LIN7A: variants seen among roughly 807,000 people sequenced by gnomAD.
LIN7A encodes the protein lin-7 cell polarity scaffold A, also known as protein lin-7 homolog A.
LIN7A carries 25 observed loss-of-function variants against 29.8 expected under a neutral mutation model. The ratio of observed to expected loss-of-function variants is 0.84; its 90% confidence interval spans 0.61 to 1.17. The LOEUF (loss-of-function observed/expected upper bound fraction) is 1.17. Among genes scored for constraint, LIN7A ranks in the 50% most tolerant of loss-of-function variants. LIN7A has a pLI of 0.00. For synonymous variants in LIN7A, 118 were observed against 107.5 expected (o/e 1.10, Z -0.60); for missense variants, 239 against 287.0 (o/e 0.83, Z 1.21).
intron 4 of LIN7A, among the ~76,000 whole-genome samples, chr12:80,839,954 A>G (rs1270120959): frequency 6.6e-6 from 1 of 152,210 alleles, no homozygotes; most frequent in Non-Finnish European, 1.5e-5. Flanking sequence ...ATTCAGCTGC[A>G]ATTTCCCACC....
At chr12:80,808,960 G>A (rs1592850490) in intron 5 of LIN7A, among the ~76,000 whole-genome samples, 1 of 148,922 alleles carries the variant, frequency 6.7e-6, no homozygotes, top group South Asian at 2.2e-4. Context: ...CCCCTTTTCT[G>A]TGTAGCTTCT....
At chr12:80,923,815 C>T (rs147851056) in intron 1 of LIN7A, among the ~76,000 whole-genome samples, 53 of 152,276 alleles carry the variant, frequency 3.5e-4, no homozygotes, top group African/African-American at 1.1e-3. Flanking sequence ...AAGAATCAAC[C>T]AGACCGAGCT....
At chr12:80,937,018 TG>T in intron 1 of LIN7A, 1 of 152,196 alleles carries the variant, frequency 6.6e-6, no homozygotes, top group Non-Finnish European at 1.5e-5. Flanking sequence ...TCTCGGCTGC[TG>T]GGGCTCGGCT....
chr12:80,887,608 C>T (rs1875396535), intron 2 of LIN7A, among the ~76,000 whole-genome samples: 1 of 152,104 alleles, frequency 6.6e-6, no homozygotes, highest in East Asian at 1.9e-4. Context: ...ACTTAATTAG[C>T]TTTTATTGCT....
intron 4 of LIN7A, among the ~76,000 whole-genome samples, chr12:80,834,499 T>C (rs761402321): frequency 6.6e-6 from 1 of 152,166 alleles, no homozygotes; most frequent in African/African-American, 2.4e-5. Flanking sequence ...AATGATTTTG[T>C]ATCTATGAGA....
chr12:80,937,767 G>T lies in LIN7A; in HGVS notation c.-45C>A. The T allele has an allele frequency of 8.3e-7, 1 of 1,209,448 alleles. No individual in the cohort carries two copies. Among genetic ancestry groups the T allele is most frequent in the South Asian group, 1.8e-5 (1 of 55,464 alleles). 74.9% of individuals were successfully genotyped at this position (1,209,448 alleles called of 1,614,324 possible). A position where few individuals can be genotyped will look rare whatever the true frequency, so the allele number is the denominator to read the frequency against. ...GAAAAAAAGGAGGAGATTGGGGGCG[G>T]GGGTGGAGAGGGAAGACGGAAAGGA... On this transcript the variant is annotated 5_prime_UTR_variant, in exon 1 of 6. Coordinates refer to ENST00000552864, the MANE Select transcript of LIN7A (RefSeq NM_004664.4).
chr12:80,823,265 GAGA>G (rs1421528103), intron 4 of LIN7A, among the ~76,000 whole-genome samples: 1 of 152,202 alleles, frequency 6.6e-6, no homozygotes, highest in Non-Finnish European at 1.5e-5. Context: ...TGTGGGTGAT[GAGA>G]AGGAGAGAGG....
chr12:80,905,339 A>G (rs1441550097), intron 1 of LIN7A, among the ~76,000 whole-genome samples: 1 of 152,266 alleles, frequency 6.6e-6, no homozygotes, highest in Middle Eastern at 3.4e-3. Context: ...TAAGAAGATT[A>G]TACTTCTGCA....
chr12:80,875,893 T>G (rs745611831), intron 2 of LIN7A, among the ~76,000 whole-genome samples: 1 of 152,160 alleles, frequency 6.6e-6, no homozygotes, highest in Non-Finnish European at 1.5e-5. Context: ...GATTTGAAAC[T>G]GTTCTGTTTT....
chr12:80,868,964 G>A (rs920533824), intron 2 of LIN7A, among the ~76,000 whole-genome samples: 1 of 152,008 alleles, frequency 6.6e-6, no homozygotes, highest in Non-Finnish European at 1.5e-5. Flanking sequence ...CAACTGCTCT[G>A]CACTTGACAC....
chr12:80,827,565 C>T (rs2121525770), intron 4 of LIN7A, among the ~76,000 whole-genome samples: 1 of 152,218 alleles, frequency 6.6e-6, no homozygotes, highest in Admixed American at 6.5e-5. Flanking sequence ...CTGTATCATG[C>T]AAAGCACTTC....
intron 2 of LIN7A, among the ~76,000 whole-genome samples, chr12:80,849,230 C>T (rs778582358): frequency 6.6e-6 from 1 of 152,126 alleles, no homozygotes; most frequent in Non-Finnish European, 1.5e-5. Flanking sequence ...TCCAGAAGAT[C>T]ATTTATGGAA....
intron 2 of LIN7A, among the ~76,000 whole-genome samples, chr12:80,883,029 G>A (rs1875144195): frequency 6.6e-6 from 1 of 151,932 alleles, no homozygotes; most frequent in South Asian, 2.1e-4. Flanking sequence ...CTATGATTCA[G>A]TATCAGCTTT....
At chr12:80,915,504 T>C (rs7974884) in intron 1 of LIN7A, among the ~76,000 whole-genome samples, 41,475 of 152,158 alleles carry the variant, frequency 0.27, 8,173 homozygotes, top group African/African-American at 0.55. Flanking sequence ...CCATTCAACA[T>C]GGAAACCCCA....
At chr12:80,920,705 T>C (rs1446878363) in intron 1 of LIN7A, among the ~76,000 whole-genome samples, 2 of 152,310 alleles carry the variant, frequency 1.3e-5, no homozygotes, top group South Asian at 2.1e-4. Flanking sequence ...TTTAAAAATA[T>C]GCATAATTAA....
At chr12:80,866,959 CT>C (rs539703839) in intron 2 of LIN7A, among the ~76,000 whole-genome samples, 2 of 151,936 alleles carry the variant, frequency 1.3e-5, no homozygotes, top group Non-Finnish European at 2.9e-5. Context: ...CCATGTCTCT[CT>C]TTTTTTTATT....
At chr12:80,905,092 A>G (rs974426059) in intron 1 of LIN7A, among the ~76,000 whole-genome samples, 5 of 152,010 alleles carry the variant, frequency 3.3e-5, no homozygotes, top group African/African-American at 4.8e-5. Context: ...CACAATTCCA[A>G]TCTAGTGACA....
chr12:80,829,741 C>T lies in LIN7A; in HGVS notation c.483+15989G>A, dbSNP rs183298578. Among the ~76,000 whole-genome samples, 531 of 152,206 alleles carry T rather than the reference C, an allele frequency of 3.5e-3. 3 individuals carry two copies. The highest frequency in any genetic ancestry group is 8.0e-3 in the Admixed American group (122 of 15,290). On this transcript the variant is annotated intron_variant, in intron 4 of 5. Transcript: ENST00000552864. ...CTTCTTTGGTACAATTACTGTTGAT[C>T]TTATCCCCCTTCCCCAAATAATAAT...
intron 1 of LIN7A, among the ~76,000 whole-genome samples, chr12:80,893,030 G>A (rs376802145): frequency 6.6e-5 from 10 of 152,218 alleles, no homozygotes; most frequent in East Asian, 5.8e-4. Context: ...ATAAGACCCC[G>A]GAATATGCCT....
Sources: allele counts gnomAD v4.1 joint callset (sites outside exome capture counted in the v4.1 genomes callset), GRCh38; gene constraint gnomAD v4.1.1; transcripts MANE v1.5; gene names NCBI Gene and HGNC (gene_info 2026-07-23, HGNC 2026-07-21).